Variants in CDC73 observed in about 807,000 individuals in gnomAD.
CDC73 encodes cell division cycle 73.
A neutral mutation model predicts 83.7 loss-of-function variants in CDC73; 21 were observed. That is an observed-to-expected ratio of 0.25 (90% CI 0.18 to 0.36). CDC73 has a LOEUF of 0.36. Ranked by LOEUF, CDC73 falls within the 10% of genes least tolerant of loss-of-function variation. The pLI, the probability that CDC73 is intolerant of heterozygous loss-of-function variation, is 1.00. For synonymous variants in CDC73, 224 were observed against 212.9 expected (o/e 1.05, Z -0.45); for missense variants, 342 against 653.3 (o/e 0.52, Z 5.19).
chr1:193,241,670 G>GGTAGTGGCAGGTTGGTTGGGCGT (rs1347128812), intron 15 of CDC73, among the ~76,000 whole-genome samples: 1 of 152,198 alleles, frequency 6.6e-6, no homozygotes, highest in Non-Finnish European at 1.5e-5. Flanking sequence ...CAGTTGTGGT[G>GGTAGTGGCAGGTTGGTTGGGCGT]GTAGTGGCAG....
At chr1:193,234,175 T>TCTCACACACA (rs1241998258) in intron 14 of CDC73, among the ~76,000 whole-genome samples, 7 of 101,408 alleles carry the variant, frequency 6.9e-5, no homozygotes, top group Non-Finnish European at 9.1e-5. Context: ...TCTCTCTCTC[T>TCTCACACACA]CACACACACA....
At chr1:193,162,268 AGAT>A (rs1249738062) in intron 10 of CDC73, among the ~76,000 whole-genome samples, 1 of 123,256 alleles carries the variant, frequency 8.1e-6, no homozygotes, top group Non-Finnish European at 1.6e-5. Flanking sequence ...TATATATAAT[AGAT>A]AATATATAGT....
chr1:193,172,573 C>G (rs562265218), intron 10 of CDC73, among the ~76,000 whole-genome samples: 1 of 152,108 alleles, frequency 6.6e-6, no homozygotes, highest in Non-Finnish European at 1.5e-5. Flanking sequence ...AGTTCTCTTT[C>G]AGTTCTTGTC....
chr1:193,172,614 A>G (rs1572174697), intron 10 of CDC73, among the ~76,000 whole-genome samples: 2 of 152,230 alleles, frequency 1.3e-5, no homozygotes, highest in East Asian at 3.9e-4. Context: ...ACCATCTTGT[A>G]TGGCCCACTT....
At chr1:193,218,480 A>G (rs1366688483) in intron 13 of CDC73, among the ~76,000 whole-genome samples, 1 of 152,234 alleles carries the variant, frequency 6.6e-6, no homozygotes, top group Non-Finnish European at 1.5e-5. Flanking sequence ...CAAAAAGACC[A>G]AAGTTGGAGG....
At chr1:193,131,602 G>T (rs1675694501) in intron 3 of CDC73, among the ~76,000 whole-genome samples, 1 of 152,136 alleles carries the variant, frequency 6.6e-6, no homozygotes, top group Non-Finnish European at 1.5e-5. Flanking sequence ...TCTTGCCTCT[G>T]CCTAAATCTC....
At chr1:193,135,331 A>G (rs1675772094) in intron 3 of CDC73, 60 bp from the exon 4 acceptor site, 1 of 1,322,362 alleles carries the variant, frequency 7.6e-7, no homozygotes, top group Non-Finnish European at 1.1e-6. Flanking sequence ...TTCACTTGTA[A>G]TAATATCCAA....
intron 13 of CDC73, among the ~76,000 whole-genome samples, chr1:193,221,973 TC>T (rs772468453): frequency 1.3e-5 from 2 of 152,264 alleles, no homozygotes; most frequent in South Asian, 4.1e-4. Flanking sequence ...TAGCATAGAT[TC>T]TATTTAGTTT....
Position 193,162,143 on chromosome 1 carries a change from T to TCATATATTATCTATTATATTGTATATAA in CDC73, c.972+9699_972+9700insCATATATTATCTATTATATTGTATATAA, listed in dbSNP as rs1676336357. On this transcript the variant is annotated intron_variant, in intron 10 of 16. Coordinates refer to ENST00000367435, the MANE Select transcript of CDC73 (RefSeq NM_024529.5). ...TCTATTATATTGTATATAATATATATTATATATTATCTATTATATTGTATA... is the reference window on the plus strand; with the variant it reads ...TCTATTATATTGTATATAATATATATCATATATTATCTATTATATTGTATATAATATATATTATCTATTATATTGTATA... 5.7e-4 allele frequency among the ~76,000 whole-genome samples: 59 copies of TCATATATTATCTATTATATTGTATATAA among 103,826 alleles called. 7 individuals are homozygous for TCATATATTATCTATTATATTGTATATAA. The highest frequency in any genetic ancestry group is 1.1e-3 in the South Asian group (4 of 3,584). 68.1% of individuals were successfully genotyped at this position (103,826 alleles called of 152,430 possible). A position where few individuals can be genotyped will look rare whatever the true frequency, so the allele number is the denominator to read the frequency against.
rs1463811646 is a variant in CDC73 at position 193,161,663 on chromosome 1, ATATC to A, written c.972+9224_972+9227del. ...TATTATATAATATATAATATATTATATATCTATCATATAATATATATAATATATA... is the reference window on the plus strand; with the variant it reads ...TATTATATAATATATAATATATTATATATCATATAATATATATAATATATA... On this transcript the variant is annotated intron_variant, in intron 10 of 16. Transcript: ENST00000367435. 1.9e-4 allele frequency among the ~76,000 whole-genome samples: 8 copies of A among 42,646 alleles called. 3 individuals are homozygous for A. The highest frequency in any genetic ancestry group is 3.3e-4 in the Non-Finnish European group (8 of 24,018). The allele number at this position is 42,646 out of a possible 152,430, so 28.0% of individuals were successfully genotyped here.
chr1:193,207,424 A>G (rs745761059), intron 11 of CDC73, among the ~76,000 whole-genome samples: 2 of 152,124 alleles, frequency 1.3e-5, no homozygotes, highest in African/African-American at 4.8e-5. Flanking sequence ...GAATTTCCCA[A>G]TCATAGTAAG....
chr1:193,202,494 A>G (rs1218519340), intron 10 of CDC73, among the ~76,000 whole-genome samples: 1 of 152,052 alleles, frequency 6.6e-6, no homozygotes, highest in Non-Finnish European at 1.5e-5. Flanking sequence ...TTTACAAACA[A>G]TACATCTATG....
At chr1:193,187,861 C>G (rs184868603) in intron 10 of CDC73, among the ~76,000 whole-genome samples, 2 of 152,192 alleles carry the variant, frequency 1.3e-5, no homozygotes, top group African/African-American at 4.8e-5. Flanking sequence ...AATAGGAAAC[C>G]TAAAGCCTAG....
intron 12 of CDC73, 127 bp downstream of exon 12, chr1:193,212,227 C>A: frequency 1.1e-6 from 1 of 869,978 alleles, no homozygotes; most frequent in Non-Finnish European, 1.8e-6. Context: ...TTTATTAGTG[C>A]CCAAGCCACA....
chr1:193,122,747 T>G (rs1281171093), intron 1 of CDC73, among the ~76,000 whole-genome samples: 1 of 152,104 alleles, frequency 6.6e-6, no homozygotes, highest in Non-Finnish European at 1.5e-5. Flanking sequence ...GCTATGTAAC[T>G]ATCTCCGCTG....
intron 13 of CDC73, among the ~76,000 whole-genome samples, chr1:193,229,332 T>A (rs113095794): frequency 2.0e-3 from 301 of 152,366 alleles, no homozygotes; most frequent in Admixed American, 3.6e-3. Context: ...ACTGAACATT[T>A]GTGTCCCACA....
intron 2 of CDC73, among the ~76,000 whole-genome samples, chr1:193,126,650 T>A (rs1044419327): frequency 6.6e-6 from 1 of 152,216 alleles, no homozygotes; most frequent in African/African-American, 2.4e-5. Context: ...TAATTAAATG[T>A]CTGCTTTTAA....
At chr1:193,234,139 T>C (rs1345750311) in intron 14 of CDC73, among the ~76,000 whole-genome samples, 1 of 139,394 alleles carries the variant, frequency 7.2e-6, no homozygotes, top group Non-Finnish European at 1.5e-5. Context: ...GCCTCAAGAC[T>C]GGTAGGATAA....
At chr1:193,205,699 G>A (rs886422602) in intron 11 of CDC73, among the ~76,000 whole-genome samples, 1 of 152,150 alleles carries the variant, frequency 6.6e-6, no homozygotes, top group Non-Finnish European at 1.5e-5. Context: ...AATCCATCGT[G>A]AGAGCATAAG....
Sources: gnomAD v4.1 joint callset for allele counts (sites outside exome capture counted in the v4.1 genomes callset) on GRCh38, gnomAD v4.1.1 for gene constraint, MANE v1.5 for transcripts, NCBI Gene and HGNC (gene_info 2026-07-23, HGNC 2026-07-21) for gene names.